NRG1: variants seen among roughly 807,000 people sequenced by gnomAD.
NRG1 encodes the protein neuregulin 1.
Under a neutral mutation model 63.8 loss-of-function variants are expected in NRG1, and 18 were observed. That is an observed-to-expected ratio of 0.28 (90% CI 0.19 to 0.42). The LOEUF (loss-of-function observed/expected upper bound fraction) is 0.42, where lower values mean the gene tolerates loss of function less well. NRG1 is among the 10% of genes least tolerant of loss of function. The pLI is 1.00. For missense variants in NRG1, 762 were observed against 814.7 expected (o/e 0.94, Z 0.79); for synonymous variants, 302 against 301.3 (o/e 1.00, Z -0.02).
intron 1 of NRG1, among the ~76,000 whole-genome samples, chr8:31,978,413 A>G (rs931322250): frequency 2.4e-4 from 37 of 152,252 alleles, no homozygotes; most frequent in African/African-American, 8.4e-4. Flanking sequence ...TGTTCTCACA[A>G]TGCAGATTCA....
chr8:32,491,290 T>C (rs1826526554), intron 1 of NRG1, among the ~76,000 whole-genome samples: 3 of 152,176 alleles, frequency 2.0e-5, no homozygotes, highest in African/African-American at 7.2e-5. Context: ...TACAAGAAAA[T>C]GAGTCTCATT....
intron 1 of NRG1, among the ~76,000 whole-genome samples, chr8:32,552,229 T>TA (rs1206741667): frequency 5.4e-5 from 7 of 128,758 alleles, no homozygotes; most frequent in Non-Finnish European, 8.4e-5. Flanking sequence ...TTTTTTTTTT[T>TA]AATTTTTGGC....
At chr8:32,019,330 C>T (rs907666495) in intron 1 of NRG1, among the ~76,000 whole-genome samples, 11 of 152,184 alleles carry the variant, frequency 7.2e-5, no homozygotes, top group African/African-American at 2.2e-4. Context: ...AATCTCCTGA[C>T]ATCATGATCT....
exon 1 of NRG1, chr8:32,548,508 C>G: frequency 2.4e-6 from 3 of 1,233,046 alleles, no homozygotes; most frequent in East Asian, 7.1e-5. Context: ...GCCCCGAGAG[C>G]CAGGGCGAGC....
chr8:32,492,588 C>T (rs530979416), intron 1 of NRG1, among the ~76,000 whole-genome samples: 97 of 152,190 alleles, frequency 6.4e-4, no homozygotes, highest in African/African-American at 2.3e-3. Context: ...AGAATGGATC[C>T]TTTATTTTTC....
intron 1 of NRG1, among the ~76,000 whole-genome samples, chr8:31,879,506 A>G (rs1252077999): frequency 6.6e-6 from 1 of 152,186 alleles, no homozygotes; most frequent in East Asian, 1.9e-4. Context: ...CAGGCCCATC[A>G]AACTTTGATC....
At chr8:32,120,399 G>A (rs1428479391) in intron 1 of NRG1, among the ~76,000 whole-genome samples, 1 of 152,032 alleles carries the variant, frequency 6.6e-6, no homozygotes, top group Non-Finnish European at 1.5e-5. Context: ...TTCAGCATCA[G>A]TAATTTTGGA....
intron 5 of NRG1, among the ~76,000 whole-genome samples, chr8:32,651,692 C>A (rs1225944856): frequency 2.0e-5 from 3 of 152,108 alleles, no homozygotes; most frequent in Non-Finnish European, 4.4e-5. Flanking sequence ...ACCATTGTTA[C>A]CGCAGTGACA....
chr8:31,707,722 A>G (rs1811289156), intron 1 of NRG1, among the ~76,000 whole-genome samples: 1 of 152,016 alleles, frequency 6.6e-6, no homozygotes, highest in African/African-American at 2.4e-5. Flanking sequence ...TTGGTATTCT[A>G]TCTTTTTCAT....
intron 1 of NRG1, among the ~76,000 whole-genome samples, chr8:32,372,916 C>T (rs1402263984): frequency 6.6e-6 from 1 of 152,144 alleles, no homozygotes; most frequent in Non-Finnish European, 1.5e-5. Flanking sequence ...AGAGGGAAGG[C>T]GAGTGACAGC....
intron 1 of NRG1, among the ~76,000 whole-genome samples, chr8:32,253,066 A>T (rs908429822): frequency 6.6e-6 from 1 of 152,184 alleles, no homozygotes; most frequent in African/African-American, 2.4e-5. Context: ...ACTTTGCTGA[A>T]ATTGCTTATC....
At chr8:31,782,348 C>A (rs1819771387) in intron 1 of NRG1, among the ~76,000 whole-genome samples, 1 of 152,086 alleles carries the variant, frequency 6.6e-6, no homozygotes. Context: ...TCCCTGGCCA[C>A]CCCATTTAAA....
chr8:32,692,973 A>T (rs1422544494), intron 5 of NRG1, among the ~76,000 whole-genome samples: 1 of 152,154 alleles, frequency 6.6e-6, no homozygotes. Flanking sequence ...CTCACTACAA[A>T]CAAATTTTCA....
chr8:32,749,596 T>C (rs1158712102), intron 7 of NRG1: 2 of 1,613,212 alleles, frequency 1.2e-6, no homozygotes, highest in Non-Finnish European at 1.7e-6. Flanking sequence ...TATGGACCAA[T>C]CATCATTCCT....
In NRG1 at chr8:32,528,200, T is replaced by C. The variant is rs559359299; in HGVS notation, c.38-67628T>C. Among the ~76,000 whole-genome samples, 11 of 152,364 alleles carry C rather than the reference T, an allele frequency of 7.2e-5. No homozygotes were observed. The South Asian group carries it at 2.1e-3, about 29-fold the overall frequency. On this transcript the variant is annotated intron_variant, in intron 1 of 10. Transcript: ENST00000519301. ...AGCCTCCGTTATTCACTATCTTCTT[T>C]TGCTCTTTTATTTTTCATATATGAC...
intron 1 of NRG1, among the ~76,000 whole-genome samples, chr8:32,088,621 G>A (rs987743792): frequency 3.3e-5 from 5 of 151,600 alleles, no homozygotes; most frequent in South Asian, 2.1e-4. Context: ...GGGTTCAAGC[G>A]ATTTTTCTGC....
At chr8:32,549,863 C>G (rs892049911) in intron 1 of NRG1, among the ~76,000 whole-genome samples, 2 of 152,142 alleles carry the variant, frequency 1.3e-5, no homozygotes, top group African/African-American at 4.8e-5. Context: ...TATTTTTTGC[C>G]TCTGCAATTC....
At chr8:32,261,067 C>G (rs1198685064) in intron 1 of NRG1, among the ~76,000 whole-genome samples, 1 of 152,076 alleles carries the variant, frequency 6.6e-6, no homozygotes, top group Non-Finnish European at 1.5e-5. Flanking sequence ...TAGGCATGAC[C>G]TTAGATTTAT....
At chr8:32,207,931 C>CTATTTG (rs1413224685) in intron 1 of NRG1, among the ~76,000 whole-genome samples, 1 of 152,166 alleles carries the variant, frequency 6.6e-6, no homozygotes, top group Non-Finnish European at 1.5e-5. Flanking sequence ...GATGGAAAAT[C>CTATTTG]ACATTTATTC....
Sources: gnomAD v4.1 joint callset for allele counts (sites outside exome capture counted in the v4.1 genomes callset) on GRCh38, gnomAD v4.1.1 for gene constraint, MANE v1.5 for transcripts, NCBI Gene and HGNC (gene_info 2026-07-23, HGNC 2026-07-21) for gene names.